Variants in TNFRSF21 observed in about 807,000 individuals in gnomAD.
TNFRSF21 encodes the protein tumor necrosis factor receptor superfamily member 21.
Under a neutral mutation model 45.6 loss-of-function variants are expected in TNFRSF21, and 19 were observed. That is an observed-to-expected ratio of 0.42 (90% CI 0.29 to 0.61). TNFRSF21 has a LOEUF of 0.61. Among genes scored for constraint, TNFRSF21 ranks in the 20% least tolerant of loss-of-function variants. The pLI, the probability that TNFRSF21 is intolerant of heterozygous loss-of-function variation, is 0.23. For missense variants in TNFRSF21, 737 were observed against 851.5 expected, an observed-to-expected ratio of 0.87 and a Z score of 1.67; for synonymous variants, 314 against 335.5, an observed-to-expected ratio of 0.94 and a Z score of 0.70.
At chr6:47,236,107 A>G (rs2281456) in intron 4 of TNFRSF21, among the ~76,000 whole-genome samples, 8,825 of 152,298 alleles carry the variant, frequency 0.058, 304 homozygotes, top group African/African-American at 0.091. Flanking sequence ...ACTGCGGCCC[A>G]AAGAGGGCAC....
At chr6:47,272,178 A>G (rs1762431842) in intron 3 of TNFRSF21, among the ~76,000 whole-genome samples, 1 of 152,162 alleles carries the variant, frequency 6.6e-6, no homozygotes, top group Non-Finnish European at 1.5e-5. Flanking sequence ...ATAGACATCT[A>G]CAGAACTCTG....
chr6:47,289,781 G>A (rs1334459588), intron 1 of TNFRSF21, among the ~76,000 whole-genome samples: 1 of 152,096 alleles, frequency 6.6e-6, no homozygotes, highest in Non-Finnish European at 1.5e-5. Flanking sequence ...GTCATTTGAG[G>A]TCAGGAGTTC....
At chr6:47,301,616 CTG>C (rs1762865263) in intron 1 of TNFRSF21, among the ~76,000 whole-genome samples, 1 of 152,176 alleles carries the variant, frequency 6.6e-6, no homozygotes, top group South Asian at 2.1e-4. Context: ...TTGGTGATAA[CTG>C]AGTTCTCTGT....
At chr6:47,236,978 T>A (rs1448593051) in intron 4 of TNFRSF21, among the ~76,000 whole-genome samples, 1 of 151,372 alleles carries the variant, frequency 6.6e-6, no homozygotes, top group Admixed American at 6.6e-5. Flanking sequence ...ATGTTTAATT[T>A]CCCCCCCCGA....
chr6:47,286,171 C>T lies in TNFRSF21; in HGVS notation c.521G>A (p.Gly174Asp), dbSNP rs748584881. 7.4e-6 allele frequency: 12 copies of T among 1,614,222 alleles called. No homozygotes were observed. The highest frequency in any genetic ancestry group is 3.3e-5 in the South Asian group (3 of 91,084). Residue 174 changes from glycine to aspartate, a missense_variant, in exon 2 of 6, where the codon GGT becomes GAT. By Grantham distance (94) the Gly-to-Asp change is moderately conservative. Coordinates refer to ENST00000296861, the MANE Select transcript of TNFRSF21 (RefSeq NM_014452.5). ...EDVRCKQCAR[G>D]TFSDVPSSVM... ...ACTAGAAGGCACATCTGAGAAGGTA[C>T]CCCGAGCACACTGCTTACACCGCAC... is the stretch of plus-strand genomic sequence containing the variant.
chr6:47,296,383 T>C (rs1004108925), intron 1 of TNFRSF21, among the ~76,000 whole-genome samples: 1 of 152,148 alleles, frequency 6.6e-6, no homozygotes, highest in Admixed American at 6.6e-5. Context: ...AATAAATATA[T>C]ATATTTGGTC....
intron 4 of TNFRSF21, among the ~76,000 whole-genome samples, chr6:47,245,970 G>A (rs879287600): frequency 4.6e-5 from 7 of 152,138 alleles, no homozygotes; most frequent in African/African-American, 9.7e-5. Context: ...ATCAGATCTC[G>A]TGAGAACTCT....
At chr6:47,264,375 A>C (rs1171851868) in intron 3 of TNFRSF21, among the ~76,000 whole-genome samples, 1 of 152,192 alleles carries the variant, frequency 6.6e-6, no homozygotes, top group African/African-American at 2.4e-5. Flanking sequence ...TAAAAATACA[A>C]AAATTAGCCA....
At chr6:47,296,848 G>C (rs773086157) in intron 1 of TNFRSF21, among the ~76,000 whole-genome samples, 1 of 152,154 alleles carries the variant, frequency 6.6e-6, no homozygotes, top group Non-Finnish European at 1.5e-5. Context: ...ACTGGGGCTG[G>C]GTGTGGTGGT....
intron 2 of TNFRSF21, among the ~76,000 whole-genome samples, chr6:47,285,529 C>T (rs1244777456): frequency 6.6e-6 from 1 of 152,166 alleles, no homozygotes; most frequent in East Asian, 1.9e-4. Context: ...CTCTTCTCTG[C>T]TCCTGGCTAT....
intron 3 of TNFRSF21, among the ~76,000 whole-genome samples, chr6:47,266,762 A>T (rs1216110840): frequency 6.6e-6 from 1 of 152,206 alleles, no homozygotes; most frequent in Non-Finnish European, 1.5e-5. Flanking sequence ...GAAGGAAAGG[A>T]TTTTAAGATG....
At chr6:47,291,624 T>C (rs1762730858) in intron 1 of TNFRSF21, among the ~76,000 whole-genome samples, 1 of 152,220 alleles carries the variant, frequency 6.6e-6, no homozygotes, top group Non-Finnish European at 1.5e-5. Context: ...GGATGCTCCT[T>C]GGACCAGGGA....
chr6:47,261,040 G>C (rs1765066836), intron 3 of TNFRSF21, among the ~76,000 whole-genome samples: 1 of 152,152 alleles, frequency 6.6e-6, no homozygotes, highest in Non-Finnish European at 1.5e-5. Context: ...AGTCTCCTGA[G>C]ATGTACACAT....
rs1582350748 is a variant in TNFRSF21, at chr6:47,285,952, A to T, written c.740T>A (p.Val247Asp). 3.7e-6 allele frequency: 6 copies of T among 1,613,874 alleles called. No homozygotes were observed. The East Asian group carries it at 1.3e-4, about 36-fold the overall frequency. ...TCATGAGGTTAAGTTACCTTTGGGA[A>T]CATAAGTGGAGGAAGGGACTTCATG... The part of the protein sequence containing the change: ...ETHEVPSSTY[V>D]PKGMNSTESN... The change falls in exon 2 of 6, where the codon GTT becomes GAT. Residue 247 changes from valine (V) to aspartate (D), a missense_variant. Val to Asp is a radical substitution (Grantham distance 152). Coordinates refer to ENST00000296861, the MANE Select transcript of TNFRSF21 (RefSeq NM_014452.5).
At chr6:47,251,324 G>A (rs574123648) in intron 4 of TNFRSF21, among the ~76,000 whole-genome samples, 1 of 152,120 alleles carries the variant, frequency 6.6e-6, no homozygotes, top group Non-Finnish European at 1.5e-5. Flanking sequence ...CGAGAAAGTT[G>A]TAGAGTGCTT....
chr6:47,244,246 C>A (rs1244291111), intron 4 of TNFRSF21, among the ~76,000 whole-genome samples: 1 of 147,482 alleles, frequency 6.8e-6, no homozygotes, highest in Non-Finnish European at 1.5e-5. Context: ...ATGGCGTGAA[C>A]CCGGGAGGGG....
intron 4 of TNFRSF21, among the ~76,000 whole-genome samples, chr6:47,244,442 C>G (rs7758122): frequency 0.073 from 11,168 of 151,950 alleles, 440 homozygotes; most frequent in African/African-American, 0.09. Context: ...GAAACTGAAC[C>G]CTATGTTTCA....
intron 3 of TNFRSF21, among the ~76,000 whole-genome samples, chr6:47,265,307 C>T (rs188461647): frequency 7.7e-4 from 117 of 152,256 alleles, no homozygotes; most frequent in Admixed American, 2.1e-3. Context: ...ATTTTGTAGG[C>T]GTTTTATTCC....
chr6:47,278,191 T>C (rs998099155), intron 3 of TNFRSF21, among the ~76,000 whole-genome samples: 16 of 152,324 alleles, frequency 1.1e-4, no homozygotes, highest in Non-Finnish European at 2.2e-4. Context: ...TCTTACCATC[T>C]ATGGCAATTT....
Sources: gnomAD v4.1 joint callset for allele counts (sites outside exome capture counted in the v4.1 genomes callset) on GRCh38, gnomAD v4.1.1 for gene constraint, MANE v1.5 for transcripts, NCBI Gene and HGNC (gene_info 2026-07-23, HGNC 2026-07-21) for gene names.